Variants in TTC39B observed in about 807,000 individuals in gnomAD.
TTC39B encodes tetratricopeptide repeat domain 39B, also known as tetratricopeptide repeat protein 39B.
In TTC39B, 92 loss-of-function variants were observed where a neutral mutation model predicts 96.6. The ratio of observed to expected loss-of-function variants is 0.95; its 90% CI spans 0.80 to 1.13. The LOEUF is 1.13. Among genes scored for constraint, TTC39B ranks in the 50% most tolerant of loss-of-function variants. The pLI is 0.00. For synonymous variants in TTC39B, 367 were observed against 299.4 expected (o/e 1.23, Z -2.33); for missense variants, 955 against 809.3 (o/e 1.18, Z -2.18).
intron 1 of TTC39B, among the ~76,000 whole-genome samples, chr9:15,301,490 C>T (rs1824586925): frequency 6.6e-6 from 1 of 152,212 alleles, no homozygotes; most frequent in Non-Finnish European, 1.5e-5. Flanking sequence ...AGCAGTGGCT[C>T]ACGCCTATAA....
exon 20 of TTC39B, chr9:15,164,366 A>C (rs1261873617): frequency 2.0e-5 from 3 of 152,216 alleles, no homozygotes; most frequent in Admixed American, 1.3e-4. Flanking sequence ...ATGGACTCTA[A>C]TTTTATTTTT....
At chr9:15,220,057 C>A (rs1421929471) in intron 3 of TTC39B, among the ~76,000 whole-genome samples, 2 of 152,194 alleles carry the variant, frequency 1.3e-5, no homozygotes, top group African/African-American at 2.4e-5. Context: ...CAAAAAGGAA[C>A]CTTTTTTCCA....
At chr9:15,185,176 G>A (rs1818451691) in intron 16 of TTC39B, 104 bp downstream of exon 16, 1 of 1,410,116 alleles carries the variant, frequency 7.1e-7, no homozygotes, top group Admixed American at 2.5e-5. Flanking sequence ...ACCTACAATG[G>A]TTTTTAAATG....
At chr9:15,225,946 G>A (rs1180911553) in exon 3 of TTC39B, 1 of 1,613,982 alleles carries the variant, frequency 6.2e-7, no homozygotes, top group East Asian at 2.2e-5. Flanking sequence ...CGCGCTGTCT[G>A]GGCGCCTGTT....
chr9:15,208,227 G>A (rs1374009563), intron 6 of TTC39B, among the ~76,000 whole-genome samples: 2 of 151,658 alleles, frequency 1.3e-5, no homozygotes, highest in African/African-American at 4.8e-5. Context: ...GTTTCACCAT[G>A]TTGGCCAGGC....
At chr9:15,193,853 T>C (rs1026174517) in intron 8 of TTC39B, among the ~76,000 whole-genome samples, 9 of 152,188 alleles carry the variant, frequency 5.9e-5, no homozygotes, top group African/African-American at 2.2e-4. Flanking sequence ...TACTAAATAA[T>C]TGGCCAGTTT....
In TTC39B at chr9:15,210,112, C is replaced by A; in HGVS notation, c.667G>T (p.Gly223Ter). 6.2e-7 allele frequency: 1 copy of A among 1,607,164 alleles called. No individual in the cohort carries two copies. Among genetic ancestry groups the A allele is most frequent in the Non-Finnish European group, 8.5e-7 (1 of 1,177,614 alleles). ...CCTTCACTCAGTTGCTCCAGGGATCCTCTAGAAAGAAGACTTGAGAAAGAT... is the reference window on the plus strand; with the variant it reads ...CCTTCACTCAGTTGCTCCAGGGATCATCTAGAAAGAAGACTTGAGAAAGAT... Residue 223 changes from glycine (G) to a stop codon, truncating the protein, a stop_gained, in exon 6 of 20, where the codon GGA becomes TGA. Transcript: ENST00000512701. LOFTEE classifies it high-confidence loss of function.
At chr9:15,298,604 A>G (rs1333583231) in intron 1 of TTC39B, among the ~76,000 whole-genome samples, 1 of 151,548 alleles carries the variant, frequency 6.6e-6, no homozygotes, top group Non-Finnish European at 1.5e-5. Context: ...GGGAAAACCC[A>G]CCCCCATGAT....
chr9:15,297,565 T>C (rs967109113), intron 1 of TTC39B, among the ~76,000 whole-genome samples: 1 of 152,178 alleles, frequency 6.6e-6, no homozygotes, highest in Non-Finnish European at 1.5e-5. Context: ...AGGTTACAGC[T>C]GTCTGTGTCC....
intron 18 of TTC39B, among the ~76,000 whole-genome samples, chr9:15,177,205 C>T (rs184332520): frequency 4.0e-4 from 61 of 152,164 alleles, no homozygotes; most frequent in Middle Eastern, 3.4e-3. Context: ...TAGTAGTGCA[C>T]ACTTGTAGTC....
chr9:15,251,958 C>A (rs1030644276), intron 2 of TTC39B, among the ~76,000 whole-genome samples: 20 of 151,906 alleles, frequency 1.3e-4, no homozygotes, highest in African/African-American at 4.1e-4. Flanking sequence ...GGGAGCAGAG[C>A]CCACAAGGTC....
At chr9:15,248,622 A>G (rs1267544347) in intron 2 of TTC39B, among the ~76,000 whole-genome samples, 1 of 152,180 alleles carries the variant, frequency 6.6e-6, no homozygotes, top group African/African-American at 2.4e-5. Context: ...GAATGAATGA[A>G]TGAATGAATG....
At chr9:15,284,069 T>C (rs1313907185) in intron 1 of TTC39B, among the ~76,000 whole-genome samples, 1 of 152,014 alleles carries the variant, frequency 6.6e-6, no homozygotes, top group Non-Finnish European at 1.5e-5. Context: ...CTATTTAGAA[T>C]AAACAAAGAA....
chr9:15,208,079 A>G (rs1176708540), intron 6 of TTC39B, among the ~76,000 whole-genome samples: 1 of 151,174 alleles, frequency 6.6e-6, no homozygotes, highest in East Asian at 2.0e-4. Context: ...ACCCAGGCAG[A>G]AGTGCAGTGG....
chr9:15,202,330 A>T (rs1020556689), intron 7 of TTC39B, among the ~76,000 whole-genome samples: 1 of 152,166 alleles, frequency 6.6e-6, no homozygotes, highest in East Asian at 1.9e-4. Flanking sequence ...AAACAGGGTC[A>T]TGGGCTACAG....
At chr9:15,273,466 C>A (rs1458829537) in intron 1 of TTC39B, among the ~76,000 whole-genome samples, 1 of 152,070 alleles carries the variant, frequency 6.6e-6, no homozygotes, top group Non-Finnish European at 1.5e-5. Flanking sequence ...CCCTCCTCCT[C>A]CACATTCCTC....
At chr9:15,176,759 C>T (rs1023792706) in intron 18 of TTC39B, among the ~76,000 whole-genome samples, 11 of 152,100 alleles carry the variant, frequency 7.2e-5, no homozygotes, top group Admixed American at 2.0e-4. Flanking sequence ...AGAGAAAACA[C>T]CCTGACCTAT....
Position 15,203,820 on chromosome 9 carries a change from T to G in TTC39B, c.759+3A>C, listed in dbSNP as rs1476891528. 1 of 1,611,292 alleles carries G rather than the reference T, an allele frequency of 6.2e-7. No homozygotes were observed. The highest frequency in any genetic ancestry group is 1.1e-5 in the South Asian group (1 of 90,418). On this transcript the variant is annotated splice_donor_region_variant and intron_variant, in intron 7 of 19. Transcript: ENST00000512701. ...TACGAATTCCAAGCCAAATATTCATTACCTGCACAAACGTGAGTGCAGCTT... is the reference window on the plus strand; with the variant it reads ...TACGAATTCCAAGCCAAATATTCATGACCTGCACAAACGTGAGTGCAGCTT...
At position 15,182,287 on chromosome 9, in the gene TTC39B, T is replaced by C. The variant is rs1210987932; in HGVS notation, c.1723+20A>G. On this transcript the variant is annotated intron_variant, in intron 17 of 19. Transcript: ENST00000512701. ...TGGAGCAGAGACAAAGGCTCCTCGG[T>C]GCTTACTGTGTATACTTACTTTGAC... The C allele has an allele frequency of 6.6e-7, 1 of 1,523,996 alleles. No homozygotes were observed. Among genetic ancestry groups the C allele is most frequent in the Non-Finnish European group, 9.0e-7 (1 of 1,109,696 alleles). The allele number at this position is 1,523,996 out of a possible 1,614,324, so 94.4% of individuals were successfully genotyped here. A position where few individuals can be genotyped will look rare whatever the true frequency, so the allele number is the denominator to read the frequency against.
Sources: gnomAD v4.1 joint callset for allele counts (sites outside exome capture counted in the v4.1 genomes callset) on GRCh38, gnomAD v4.1.1 for gene constraint, MANE v1.5 for transcripts, NCBI Gene and HGNC (gene_info 2026-07-23, HGNC 2026-07-21) for gene names.